The following STPG2 variants were observed in gnomAD, a reference collection of about 807,000 sequenced individuals.
STPG2 encodes the protein sperm tail PG-rich repeat containing 2.
In STPG2, 56 loss-of-function variants were observed where a neutral mutation model predicts 54.2. That is an observed-to-expected ratio of 1.03 (90% CI 0.83 to 1.29). The LOEUF is 1.29. Ranked by LOEUF, STPG2 falls within the 50% of genes most tolerant of loss-of-function variation. The pLI is 0.00. For missense variants in STPG2, 596 were observed against 544.9 expected (o/e 1.09, Z -0.93); for synonymous variants, 200 against 181.8 (o/e 1.10, Z -0.81).
chr4:97,933,204 T>C (rs1426272494), intron 8 of STPG2, among the ~76,000 whole-genome samples: 2 of 152,206 alleles, frequency 1.3e-5, no homozygotes, highest in African/African-American at 4.8e-5. Flanking sequence ...TGCCCACTTT[T>C]TGATGGGGTT....
At chr4:98,128,244 G>GA (rs1339795357) in intron 3 of STPG2, among the ~76,000 whole-genome samples, 184 bp downstream of exon 3, 1 of 152,144 alleles carries the variant, frequency 6.6e-6, no homozygotes, top group Non-Finnish European at 1.5e-5. Context: ...TGTGAATGAG[G>GA]AAAAATAATT....
At chr4:97,749,450 A>G (rs1357592611) in intron 9 of STPG2, among the ~76,000 whole-genome samples, 1 of 151,796 alleles carries the variant, frequency 6.6e-6, no homozygotes, top group Non-Finnish European at 1.5e-5. Context: ...ATAGCAAGAT[A>G]GTAAGAACTT....
chr4:97,638,381 C>T (rs1721634861), intron 10 of STPG2, among the ~76,000 whole-genome samples: 1 of 152,122 alleles, frequency 6.6e-6, no homozygotes, highest in South Asian at 2.1e-4. Context: ...GACCTAAAAC[C>T]ATAAAAACTC....
At chr4:97,641,853 CT>C (rs1390672182) in intron 10 of STPG2, among the ~76,000 whole-genome samples, 1 of 151,478 alleles carries the variant, frequency 6.6e-6, no homozygotes, top group Admixed American at 6.6e-5. Context: ...TATCTCTTCC[CT>C]TATCTCTTTA....
chr4:98,038,146 A>G (rs1736831085), intron 5 of STPG2, among the ~76,000 whole-genome samples: 1 of 152,042 alleles, frequency 6.6e-6, no homozygotes, highest in South Asian at 2.1e-4. Context: ...AGTACCTAGG[A>G]CTACAGGCAC....
intron 9 of STPG2, among the ~76,000 whole-genome samples, chr4:97,744,001 G>T (rs1725350141): frequency 6.6e-6 from 1 of 151,296 alleles, no homozygotes; most frequent in Non-Finnish European, 1.5e-5. Flanking sequence ...AAAATAATAG[G>T]ACTGAAAAGG....
intron 10 of STPG2, among the ~76,000 whole-genome samples, chr4:97,599,540 T>C (rs754282184): frequency 1.3e-5 from 2 of 152,074 alleles, no homozygotes; most frequent in African/African-American, 4.8e-5. Flanking sequence ...GTGGTACATA[T>C]AGGCCGGGTG....
At chr4:97,903,749 G>C (rs1731272845) in intron 8 of STPG2, among the ~76,000 whole-genome samples, 2 of 152,320 alleles carry the variant, frequency 1.3e-5, no homozygotes, top group South Asian at 4.1e-4. Flanking sequence ...CGCAAACTGT[G>C]CAGGAGCCGA....
At chr4:97,575,939 AT>A (rs1268957628) in intron 10 of STPG2, among the ~76,000 whole-genome samples, 2 of 152,188 alleles carry the variant, frequency 1.3e-5, no homozygotes, top group Admixed American at 1.3e-4. Context: ...AAATCAATAT[AT>A]AAAAATCTAG....
intron 4 of STPG2, among the ~76,000 whole-genome samples, chr4:97,442,121 A>G (rs1729101359): frequency 6.6e-6 from 1 of 151,962 alleles, no homozygotes; most frequent in African/African-American, 2.4e-5. Flanking sequence ...GTCCATTATG[A>G]CTAGGAAAAG....
chr4:97,712,287 A>G (rs1196276124), intron 10 of STPG2, among the ~76,000 whole-genome samples: 1 of 152,130 alleles, frequency 6.6e-6, no homozygotes, highest in Non-Finnish European at 1.5e-5. Context: ...ATCCATGTTC[A>G]TTAAAAGAAA....
chr4:97,907,409 G>A (rs180769135), intron 8 of STPG2, among the ~76,000 whole-genome samples: 6 of 152,314 alleles, frequency 3.9e-5, no homozygotes, highest in Admixed American at 3.9e-4. Context: ...TCATGGGTAG[G>A]AAGAATCAAT....
intron 10 of STPG2, among the ~76,000 whole-genome samples, chr4:97,702,361 G>A (rs1030117144): frequency 6.6e-6 from 1 of 152,068 alleles, no homozygotes; most frequent in African/African-American, 2.4e-5. Context: ...CCATTCCCAT[G>A]CCTGTTCTCC....
At position 97,739,217 on chromosome 4, in the gene STPG2, T is replaced by G. The variant is rs189364650; in HGVS notation, c.1205-26403A>C. On this transcript the variant is annotated intron_variant, in intron 9 of 10. Transcript: ENST00000295268. ...TCTCTGGGACACATTCAAAGCAGTG[T>G]GTAGAGAGAAATTTATAGTACTAAA... Among the ~76,000 whole-genome samples the G allele has an allele frequency of 2.8e-3, 429 of 151,866 alleles. 1 individual carries two copies. The highest frequency in any genetic ancestry group is 4.2e-3 in the Non-Finnish European group (286 of 67,884).
intron 9 of STPG2, among the ~76,000 whole-genome samples, chr4:97,812,318 T>C (rs1175862527): frequency 1.3e-5 from 2 of 152,144 alleles, no homozygotes; most frequent in African/African-American, 4.8e-5. Flanking sequence ...CTTTTATCTC[T>C]ACTTGAATAT....
intron 4 of STPG2, among the ~76,000 whole-genome samples, chr4:97,507,264 C>T (rs550495924): frequency 6.6e-6 from 1 of 152,124 alleles, no homozygotes; most frequent in Admixed American, 6.6e-5. Flanking sequence ...GTAACTTTAA[C>T]ACCAGAATTA....
intron 8 of STPG2, among the ~76,000 whole-genome samples, chr4:97,855,792 G>A (rs969668877): frequency 6.6e-5 from 10 of 152,052 alleles, no homozygotes; most frequent in Non-Finnish European, 1.3e-4. Flanking sequence ...GGTTTTTATA[G>A]TTTTGGGTTT....
At chr4:97,901,025 C>A (rs1454266261) in intron 8 of STPG2, among the ~76,000 whole-genome samples, 1 of 151,838 alleles carries the variant, frequency 6.6e-6, no homozygotes, top group African/African-American at 2.4e-5. Context: ...AAAAACAAAT[C>A]CACATTGCAA....
chr4:97,969,980 T>G (rs183241803), intron 7 of STPG2, among the ~76,000 whole-genome samples: 20 of 152,272 alleles, frequency 1.3e-4, no homozygotes, highest in African/African-American at 4.8e-4. Context: ...ACAAAATCAA[T>G]GTACAAAAAT....
Sources: gnomAD v4.1 joint callset for allele counts (sites outside exome capture counted in the v4.1 genomes callset) on GRCh38, gnomAD v4.1.1 for gene constraint, MANE v1.5 for transcripts, NCBI Gene and HGNC (gene_info 2026-07-23, HGNC 2026-07-21) for gene names.